Variants in TBC1D8 observed in about 807,000 individuals in gnomAD.
TBC1D8 encodes the protein BUB2-like protein 1.
In TBC1D8, 65 loss-of-function variants were observed where a neutral mutation model predicts 118.8. The ratio of observed to expected loss-of-function variants is 0.55; its 90% CI spans 0.45 to 0.67. The LOEUF is 0.67. Ranked by LOEUF, TBC1D8 falls within the 30% of genes least tolerant of loss-of-function variation. TBC1D8 has a pLI of 0.00. For synonymous variants in TBC1D8, 566 were observed against 595.8 expected (o/e 0.95, Z 0.73); for missense variants, 1,376 against 1,471.2 (o/e 0.94, Z 1.06).
intron 2 of TBC1D8, among the ~76,000 whole-genome samples, chr2:101,063,993 A>G (rs997744276): frequency 6.6e-6 from 1 of 152,190 alleles, no homozygotes; most frequent in Non-Finnish European, 1.5e-5. Flanking sequence ...GGATGATAAA[A>G]AGCCTACAAA....
At chr2:101,038,296 C>A (rs1681156762) in intron 7 of TBC1D8, among the ~76,000 whole-genome samples, 165 bp downstream of exon 7, 1 of 152,160 alleles carries the variant, frequency 6.6e-6, no homozygotes, top group Non-Finnish European at 1.5e-5. Context: ...TGGGGCAATT[C>A]CCCACACCCT....
chr2:101,148,005 T>C (rs1237181254), intron 1 of TBC1D8, among the ~76,000 whole-genome samples: 2 of 152,108 alleles, frequency 1.3e-5, no homozygotes, highest in Non-Finnish European at 2.9e-5. Flanking sequence ...TGCTCTAACC[T>C]GAGGAAAAGA....
rs529433161 is a variant in TBC1D8, at chr2:101,144,358, G to A, written c.127+6769C>T. Among the ~76,000 whole-genome samples the A allele has an allele frequency of 5.9e-5, 9 of 152,224 alleles. No homozygotes were observed. In the South Asian group the frequency reaches 6.2e-4, roughly 11 times the overall value. On this transcript the variant is annotated intron_variant, in intron 1 of 19. Transcript: ENST00000409318. Reference sequence around the variant, plus strand: ...CATCTCCAGGAAGTGGAGCTCAGGCGGAGCCCCAAAGGTTCACAAGAATTA... The same window carrying A: ...CATCTCCAGGAAGTGGAGCTCAGGCAGAGCCCCAAAGGTTCACAAGAATTA...
intron 1 of TBC1D8, among the ~76,000 whole-genome samples, chr2:101,125,785 T>C (rs1678323217): frequency 6.6e-6 from 1 of 152,250 alleles, no homozygotes; most frequent in Non-Finnish European, 1.5e-5. Context: ...CTTTCCTTAA[T>C]GCCAGAGTGA....
chr2:101,132,936 C>T (rs763570141), intron 1 of TBC1D8, among the ~76,000 whole-genome samples: 46 of 151,802 alleles, frequency 3.0e-4, no homozygotes, highest in Non-Finnish European at 4.1e-4. Context: ...ATCTGCAATA[C>T]GATTATCTTA....
chr2:101,130,677 G>C (rs1678553706), intron 1 of TBC1D8, among the ~76,000 whole-genome samples: 1 of 152,186 alleles, frequency 6.6e-6, no homozygotes, highest in Non-Finnish European at 1.5e-5. Flanking sequence ...AGAAGGATTG[G>C]CAGTGCATAT....
intron 17 of TBC1D8, among the ~76,000 whole-genome samples, chr2:101,017,464 C>T (rs1679738503): frequency 6.6e-6 from 1 of 152,150 alleles, no homozygotes; most frequent in South Asian, 2.1e-4. Context: ...ATGTGTTTTG[C>T]TATGGTGTTT....
chr2:101,027,577 A>C, intron 14 of TBC1D8, 126 bp from the exon 15 acceptor site: 1 of 782,396 alleles, frequency 1.3e-6, no homozygotes, highest in South Asian at 1.5e-5. Context: ...TCTCCCACAA[A>C]GGCTCTTTTC....
intron 2 of TBC1D8, among the ~76,000 whole-genome samples, chr2:101,074,674 G>A (rs6543013): frequency 0.88 from 133,984 of 152,282 alleles, 59,372 homozygotes; most frequent in African/African-American, 0.97. Context: ...GTGCGTGTAC[G>A]TATATTAGAT....
chr2:101,029,959 CCT>C (rs1680574459), intron 11 of TBC1D8, 183 bp from the exon 12 acceptor site: 1 of 567,298 alleles, frequency 1.8e-6, no homozygotes, highest in African/African-American at 1.9e-5. Flanking sequence ...TAAAAGATAG[CCT>C]TTTTAAAAAA....
At chr2:101,077,313 T>A in intron 2 of TBC1D8, among the ~76,000 whole-genome samples, 1 of 147,280 alleles carries the variant, frequency 6.8e-6, no homozygotes, top group Middle Eastern at 3.5e-3. Flanking sequence ...AGTGGCATGA[T>A]CTCGGCTCAC....
intron 5 of TBC1D8, among the ~76,000 whole-genome samples, chr2:101,044,780 A>G (rs1379393375): frequency 6.6e-6 from 1 of 151,942 alleles, no homozygotes; most frequent in South Asian, 2.1e-4. Flanking sequence ...AGACAGTTGC[A>G]CTCTGTTGCC....
intron 1 of TBC1D8, among the ~76,000 whole-genome samples, chr2:101,133,159 CAAAA>C (rs34693587): frequency 3.4e-5 from 3 of 88,378 alleles, no homozygotes. Context: ...GACTCCATCT[CAAAA>C]AAAAAAAAAA....
intron 2 of TBC1D8, among the ~76,000 whole-genome samples, chr2:101,060,216 C>G (rs1166505543): frequency 6.6e-6 from 1 of 152,172 alleles, no homozygotes; most frequent in African/African-American, 2.4e-5. Flanking sequence ...TGGAACAAGC[C>G]CTGAGTAGCA....
At chr2:101,009,457 T>C (rs1267250818) in intron 19 of TBC1D8, among the ~76,000 whole-genome samples, 1 of 151,652 alleles carries the variant, frequency 6.6e-6, no homozygotes, top group Non-Finnish European at 1.5e-5. Context: ...AACAAATATT[T>C]ATTTGGGGGA....
chr2:101,040,807 TTAAG>T (rs1379513822), intron 5 of TBC1D8, among the ~76,000 whole-genome samples: 3 of 152,216 alleles, frequency 2.0e-5, no homozygotes, highest in African/African-American at 4.8e-5. Context: ...CAATTTGTAT[TTAAG>T]TGAGTGCAAA....
Position 101,090,357 on chromosome 2 carries a change from C to G in TBC1D8, c.135G>C (p.Leu45=). The G allele has an allele frequency of 2.5e-6, 4 of 1,613,946 alleles. No individual in the cohort carries two copies. Among genetic ancestry groups the G allele is most frequent in the Non-Finnish European group, 3.4e-6 (4 of 1,179,862 alleles). The change falls in exon 2 of 20, where the codon CTG becomes CTC. Residue 45 remains leucine, a synonymous_variant. Transcript: ENST00000409318. ...CCAACACTGCATCCAGAGCGCCGAC[C>G]AGGCGACCTTCAAAAGAAAAGAGAA... is the stretch of plus-strand genomic sequence containing the variant. The part of the protein sequence containing the change: ...GEGGGRLTGR[L]VGALDAVLDS...
At chr2:101,028,275 C>A in intron 13 of TBC1D8, 28 bp downstream of exon 13, 1 of 1,515,168 alleles carries the variant, frequency 6.6e-7, no homozygotes, top group East Asian at 2.6e-5. Context: ...GGGGCTGCAA[C>A]GGGGCATGGG....
intron 1 of TBC1D8, among the ~76,000 whole-genome samples, chr2:101,111,826 G>A (rs1483565295): frequency 2.0e-5 from 3 of 151,892 alleles, no homozygotes; most frequent in African/African-American, 7.3e-5. Context: ...TGGTGATGCT[G>A]GCACAGCAAT....
Sources: allele counts gnomAD v4.1 joint callset (sites outside exome capture counted in the v4.1 genomes callset), GRCh38; gene constraint gnomAD v4.1.1; transcripts MANE v1.5; gene names NCBI Gene and HGNC (gene_info 2026-07-23, HGNC 2026-07-21).